The following LTBP1 variants were observed in gnomAD, a reference collection of about 807,000 sequenced individuals.
LTBP1 encodes the protein latent-transforming growth factor beta-binding protein 1.
Under a neutral mutation model 207.6 loss-of-function variants are expected in LTBP1, and 129 were observed. That is an observed-to-expected ratio of 0.62 (90% CI 0.54 to 0.72). The LOEUF is 0.72. LTBP1 is among the 30% of genes least tolerant of loss of function. The pLI, the probability that LTBP1 is intolerant of heterozygous loss-of-function variation, is 0.00. For synonymous variants in LTBP1, 963 were observed against 833.7 expected, an observed-to-expected ratio of 1.16 and a Z score of -2.67; for missense variants, 2,281 against 2,217.2, an observed-to-expected ratio of 1.03 and a Z score of -0.58.
At chr2:33,163,379 G>A (rs1489963874) in intron 5 of LTBP1, among the ~76,000 whole-genome samples, 2 of 152,202 alleles carry the variant, frequency 1.3e-5, no homozygotes, top group Non-Finnish European at 2.9e-5. Flanking sequence ...TTCTGGACAT[G>A]ATATTAAACG....
At chr2:33,289,350 T>A (rs1446593526) in intron 19 of LTBP1, among the ~76,000 whole-genome samples, 1 of 152,164 alleles carries the variant, frequency 6.6e-6, no homozygotes, top group African/African-American at 2.4e-5. Flanking sequence ...AGATTTAGAA[T>A]CCATTTTTCT....
chr2:33,359,354 T>G (rs1432708399), intron 26 of LTBP1, among the ~76,000 whole-genome samples: 2 of 152,256 alleles, frequency 1.3e-5, no homozygotes, highest in Non-Finnish European at 2.9e-5. Flanking sequence ...GAAACACGTT[T>G]ACTATTTAAT....
chr2:33,006,911 G>A (rs1052884807), intron 2 of LTBP1, among the ~76,000 whole-genome samples: 31 of 152,124 alleles, frequency 2.0e-4, no homozygotes, highest in Admixed American at 1.6e-3. Flanking sequence ...TTCCTTCCAT[G>A]GAGAGGAATG....
At chr2:33,012,587 C>G (rs1687825413) in intron 2 of LTBP1, among the ~76,000 whole-genome samples, 1 of 152,166 alleles carries the variant, frequency 6.6e-6, no homozygotes, top group Admixed American at 6.5e-5. Flanking sequence ...GTACTTGTGT[C>G]TTTCCTATTG....
intron 3 of LTBP1, among the ~76,000 whole-genome samples, chr2:33,028,626 A>G (rs1412239652): frequency 3.3e-5 from 5 of 152,222 alleles, no homozygotes; most frequent in Non-Finnish European, 7.3e-5. Context: ...CATCCTGGTC[A>G]CCATCCCAGG....
chr2:33,084,181 C>G (rs2078614123), intron 3 of LTBP1, among the ~76,000 whole-genome samples: 1 of 152,202 alleles, frequency 6.6e-6, no homozygotes, highest in African/African-American at 2.4e-5. Context: ...CGGAAAGTTT[C>G]TTGCTGAAAC....
rs111887805 is a variant in LTBP1 at position 33,040,397 on chromosome 2, G to A, written c.863+19191G>A. On this transcript the variant is annotated intron_variant, in intron 3 of 33. Coordinates refer to ENST00000404816, the MANE Select transcript of LTBP1 (RefSeq NM_206943.4). ...AGTGGAAGACATACCTGCATTCTGC[G>A]CATATGTGTACATGCATAGAATAAT... 5.9e-3 allele frequency among the ~76,000 whole-genome samples: 898 copies of A among 152,302 alleles called. 12 individuals are homozygous for A. Among genetic ancestry groups the A allele is most frequent in the Middle Eastern group, 0.027 (8 of 294 alleles).
chr2:33,192,201 A>T (rs1398330816), intron 7 of LTBP1, among the ~76,000 whole-genome samples: 35 of 152,216 alleles, frequency 2.3e-4, no homozygotes, highest in Admixed American at 2.3e-3. Flanking sequence ...AGCCTCTTAA[A>T]TCTGAGGCAT....
At chr2:33,188,447 A>AAAAAAATT in intron 6 of LTBP1, 130 bp from the exon 7 acceptor site, 1 of 668,168 alleles carries the variant, frequency 1.5e-6, no homozygotes, top group Non-Finnish European at 2.5e-6. Context: ...AAAAAAAAGA[A>AAAAAAATT]TTTTGATGGC....
intron 3 of LTBP1, among the ~76,000 whole-genome samples, chr2:33,071,906 C>A (rs1425617592): frequency 6.6e-6 from 1 of 152,208 alleles, no homozygotes; most frequent in Non-Finnish European, 1.5e-5. Context: ...GTGGGGATTT[C>A]TGCCCACCAG....
At chr2:33,115,065 C>T (rs1286656111) in intron 4 of LTBP1, among the ~76,000 whole-genome samples, 2 of 150,628 alleles carry the variant, frequency 1.3e-5, no homozygotes, top group Non-Finnish European at 3.0e-5. Context: ...CACACACACA[C>T]ACACACACGT....
intron 24 of LTBP1, among the ~76,000 whole-genome samples, chr2:33,338,814 C>T (rs900970302): frequency 1.3e-5 from 2 of 152,232 alleles, no homozygotes; most frequent in East Asian, 3.9e-4. Flanking sequence ...TTTTCAAAGA[C>T]CTCTAGTATG....
chr2:33,089,155 C>CAAAAAAAAAAAAAAAAGAA (rs2078931458), intron 3 of LTBP1, among the ~76,000 whole-genome samples: 1 of 96,418 alleles, frequency 1.0e-5, no homozygotes, highest in Non-Finnish European at 2.2e-5. Context: ...GACTCAGTCT[C>CAAAAAAAAAAAAAAAAGAA]AAAAAAAAAA....
At chr2:33,249,363 A>ACACG (rs755611153) in intron 10 of LTBP1, among the ~76,000 whole-genome samples, 1 of 146,652 alleles carries the variant, frequency 6.8e-6, no homozygotes, top group Admixed American at 6.8e-5. Flanking sequence ...ACACACACAC[A>ACACG]CACATTTACA....
At chr2:33,117,252 C>G (rs910731041) in intron 4 of LTBP1, among the ~76,000 whole-genome samples, 4 of 152,176 alleles carry the variant, frequency 2.6e-5, no homozygotes, top group African/African-American at 9.7e-5. Flanking sequence ...CACGAGGCCT[C>G]TTCTTTCTAA....
chr2:33,356,514 CT>C (rs1327868811), intron 26 of LTBP1, among the ~76,000 whole-genome samples: 1 of 152,088 alleles, frequency 6.6e-6, no homozygotes, highest in African/African-American at 2.4e-5. Flanking sequence ...CCTGTCTCTA[CT>C]AAAAATACAA....
chr2:32,952,615 A>G (rs2148264662), intron 2 of LTBP1, among the ~76,000 whole-genome samples: 1 of 152,282 alleles, frequency 6.6e-6, no homozygotes, highest in Non-Finnish European at 1.5e-5. Context: ...CCTGATGTGT[A>G]ACATTTTTGC....
intron 3 of LTBP1, among the ~76,000 whole-genome samples, chr2:33,104,005 G>A (rs1435728429): frequency 6.6e-6 from 1 of 152,104 alleles, no homozygotes; most frequent in African/African-American, 2.4e-5. Context: ...CTGGACTTCT[G>A]TGGGAAACTT....
intron 7 of LTBP1, among the ~76,000 whole-genome samples, chr2:33,216,532 GT>G (rs1264316906): frequency 6.6e-6 from 1 of 152,164 alleles, no homozygotes; most frequent in Non-Finnish European, 1.5e-5. Context: ...GTCAGTGAAA[GT>G]TTTTAATCGG....
Sources: gnomAD v4.1 joint callset for allele counts (sites outside exome capture counted in the v4.1 genomes callset) on GRCh38, gnomAD v4.1.1 for gene constraint, MANE v1.5 for transcripts, NCBI Gene and HGNC (gene_info 2026-07-23, HGNC 2026-07-21) for gene names.